The following CDC42BPB variants were observed in gnomAD, a reference collection of about 807,000 sequenced individuals.
CDC42BPB encodes the protein serine/threonine-protein kinase MRCK beta.
Under a neutral mutation model 214.9 loss-of-function variants are expected in CDC42BPB, and 37 were observed. That is an observed-to-expected ratio of 0.17 (90% CI 0.13 to 0.23). The LOEUF (loss-of-function observed/expected upper bound fraction) is 0.23, where lower values mean the gene tolerates loss of function less well. CDC42BPB is among the 10% of genes least tolerant of loss of function. The probability of loss-of-function intolerance (pLI) is 1.00; values close to 1 mark genes in which losing one functional copy is unlikely to be tolerated. For synonymous variants in CDC42BPB, 931 were observed against 884.0 expected (o/e 1.05, Z -0.94); for missense variants, 1,694 against 2,227.0 (o/e 0.76, Z 4.82).
rs777811682 is a variant in CDC42BPB, at chr14:102,963,111, T to G, written c.2771A>C (p.Glu924Ala). 63 of 1,593,416 alleles carry G rather than the reference T, an allele frequency of 4.0e-5. No homozygotes were observed. Among genetic ancestry groups the G allele is most frequent in the Non-Finnish European group, 1.7e-6 (2 of 1,162,822 alleles). The change falls in exon 20 of 37, where the codon GAA becomes GCA. Residue 924 changes from glutamate (E) to alanine (A), a missense_variant. Coordinates refer to ENST00000361246, the MANE Select transcript of CDC42BPB (RefSeq NM_006035.4). The part of the protein sequence containing the change: ...SEAKNRELLE[E>A]MEILKKKMEE... Reference sequence around the variant, plus strand: ...CATCTTTTTCTTCAAAATTTCCATTTCTTCTAATAATTCTCTGTTTTTGGC... The same window carrying G: ...CATCTTTTTCTTCAAAATTTCCATTGCTTCTAATAATTCTCTGTTTTTGGC...
chr14:102,937,461 G>A (rs1032832657), intron 36 of CDC42BPB, among the ~76,000 whole-genome samples: 2 of 152,258 alleles, frequency 1.3e-5, no homozygotes, highest in Non-Finnish European at 2.9e-5. Flanking sequence ...CTGGGGCTGA[G>A]ATGTGTGGTG....
intron 30 of CDC42BPB, among the ~76,000 whole-genome samples, chr14:102,942,298 A>T (rs1308662416): frequency 6.6e-6 from 1 of 152,124 alleles, no homozygotes; most frequent in Non-Finnish European, 1.5e-5. Context: ...CCGTGGGTGG[A>T]GCTGGCCGTG....
chr14:103,057,132 G>A lies in CDC42BPB; in HGVS notation c.42C>T (p.Leu14=), dbSNP rs1468686785. ...KVRLKKLEQL[L]LDGPWRNESA... is the part of the protein sequence containing the mutation. Reference sequence around the variant, plus strand: ...TCTCGTTGCGCCAGGGCCCGTCCAGGAGCAGCTGCTCCAGCTTCTTGAGCC... The same window carrying A: ...TCTCGTTGCGCCAGGGCCCGTCCAGAAGCAGCTGCTCCAGCTTCTTGAGCC... The change falls in exon 1 of 37, where the codon CTC becomes CTT. Residue 14 remains leucine (L), a synonymous_variant. Coordinates refer to ENST00000361246, the MANE Select transcript of CDC42BPB (RefSeq NM_006035.4). 13 of 1,510,470 alleles carry A rather than the reference G, an allele frequency of 8.6e-6. No homozygotes were observed. The highest frequency in any genetic ancestry group is 4.3e-5 in the Admixed American group (2 of 46,544). The allele number at this position is 1,510,470 out of a possible 1,614,324, so 93.6% of individuals were successfully genotyped here.
At chr14:103,029,547 G>GAA (rs762169713) in intron 1 of CDC42BPB, among the ~76,000 whole-genome samples, 4 of 122,564 alleles carry the variant, frequency 3.3e-5, no homozygotes, top group African/African-American at 1.2e-4. Context: ...TGTCTCAAAG[G>GAA]AAAAAAAAAA....
At chr14:103,041,515 T>C (rs989117312) in intron 1 of CDC42BPB, 22 of 1,396,558 alleles carry the variant, frequency 1.6e-5, no homozygotes, top group Non-Finnish European at 1.9e-5. Flanking sequence ...CCACAAGGAC[T>C]GGCAGCTGGC....
At chr14:103,046,563 A>C (rs1244023653) in intron 1 of CDC42BPB, among the ~76,000 whole-genome samples, 1 of 152,226 alleles carries the variant, frequency 6.6e-6, no homozygotes, top group Non-Finnish European at 1.5e-5. Context: ...AAACGTGTGC[A>C]GGAATCAATA....
Position 102,933,794 on chromosome 14 carries a change from G to T in CDC42BPB, c.5054C>A (p.Pro1685His). The T allele has an allele frequency of 6.6e-7, 1 of 1,506,908 alleles. No individual in the cohort carries two copies. The highest frequency in any genetic ancestry group is 2.7e-5 in the East Asian group (1 of 37,200). 93.3% of individuals were successfully genotyped at this position (1,506,908 alleles called of 1,614,324 possible). Reference protein sequence around the residue: ...KHSTPSNSSNPSGPPSPNSPH... With the variant: ...KHSTPSNSSNHSGPPSPNSPH... ...GGAGTTGGGGCTCGGTGGGCCGCTG[G>T]GGTTGGAGCTATTCGATGGAGTTGA... is the stretch of plus-strand genomic sequence containing the variant. The change falls in exon 37 of 37, where the codon CCC (proline) becomes CAC (histidine). Residue 1685 changes from proline (P) to histidine (H), a missense_variant. Physicochemically the swap from Pro to His is moderately conservative, Grantham distance 77. Around this residue, in one of 7 missense-constraint regions of CDC42BPB, gnomAD observed 146 missense variants for 134.1 expected, o/e 1.09. Coordinates refer to ENST00000361246, the MANE Select transcript of CDC42BPB (RefSeq NM_006035.4).
At chr14:102,990,760 C>T (rs1046003421) in intron 5 of CDC42BPB, among the ~76,000 whole-genome samples, 1 of 152,196 alleles carries the variant, frequency 6.6e-6, no homozygotes, top group African/African-American at 2.4e-5. Flanking sequence ...AAACTAAGGG[C>T]ATCCTCAAAA....
rs570994860 is a variant in CDC42BPB at position 103,025,061 on chromosome 14, A to C, written c.176-12873T>G. Among the ~76,000 whole-genome samples, 11 of 152,206 alleles carry C rather than the reference A, an allele frequency of 7.2e-5. 1 individual carries two copies. The South Asian group carries it at 2.3e-3, about 32-fold the overall frequency. On this transcript the variant is annotated intron_variant, in intron 1 of 36. Coordinates refer to ENST00000361246, the MANE Select transcript of CDC42BPB (RefSeq NM_006035.4). The stretch of plus-strand genomic sequence containing the variant: ...TTGTGTCACTGCTGTGAATTCAGAA[A>C]AGTCTGGTTTTCTTTCTGCACAGTA...
At chr14:103,053,571 C>A (rs534229932) in intron 1 of CDC42BPB, among the ~76,000 whole-genome samples, 2 of 151,490 alleles carry the variant, frequency 1.3e-5, no homozygotes, top group South Asian at 2.1e-4. Flanking sequence ...ACCATCCTGG[C>A]TAACACGGTG....
At chr14:103,018,810 A>G (rs11627664) in intron 1 of CDC42BPB, among the ~76,000 whole-genome samples, 9,801 of 152,290 alleles carry the variant, frequency 0.064, 416 homozygotes, top group South Asian at 0.17. Context: ...ATATTTTCAA[A>G]AAGTGATCAC....
chr14:103,004,942 T>C lies in CDC42BPB; in HGVS notation c.352-919A>G, dbSNP rs1895166631. Among the ~76,000 whole-genome samples the C allele has an allele frequency of 1.3e-5, 2 of 151,182 alleles. No homozygotes were observed. Among genetic ancestry groups the C allele is most frequent in the Non-Finnish European group, 2.9e-5 (2 of 67,812 alleles). Reference sequence around the variant, plus strand: ...CAGCAGTTTGGGAGGCCGAGGTGGGTGGATCACGAGGTCAGGAGATCAAGA... The same window carrying C: ...CAGCAGTTTGGGAGGCCGAGGTGGGCGGATCACGAGGTCAGGAGATCAAGA... On this transcript the variant is annotated intron_variant, in intron 3 of 36. Coordinates refer to ENST00000361246, the MANE Select transcript of CDC42BPB (RefSeq NM_006035.4). This position sits in a 1 kb window ranked among gnomAD's most constrained non-coding sequence, Gnocchi z 5.3.
intron 1 of CDC42BPB, among the ~76,000 whole-genome samples, chr14:103,042,620 G>A (rs774526117): frequency 6.6e-6 from 1 of 152,112 alleles, no homozygotes; most frequent in African/African-American, 2.4e-5. Context: ...AAGACAACCC[G>A]ATTTTTTAAA....
At chr14:103,029,858 CAAAAAAAAA>C (rs11299296) in intron 1 of CDC42BPB, among the ~76,000 whole-genome samples, 6 of 62,376 alleles carry the variant, frequency 9.6e-5, no homozygotes, top group South Asian at 7.7e-4. Context: ...ACTCCATCTC[CAAAAAAAAA>C]AAAAAAAAAA....
chr14:102,946,890 C>G (rs577323125), intron 27 of CDC42BPB: 2 of 985,144 alleles, frequency 2.0e-6, no homozygotes, highest in East Asian at 2.3e-4. Flanking sequence ...TAAACAGCCC[C>G]GTGAGATCGC....
rs770317684 is a variant in CDC42BPB, at chr14:102,946,541, G to A, written c.3675C>T (p.Val1225=). The change falls in exon 28 of 37, where the codon GTC becomes GTT. Residue 1225 remains valine (V), a synonymous_variant. Coordinates refer to ENST00000361246, the MANE Select transcript of CDC42BPB (RefSeq NM_006035.4). ...CGTAGGCTTCCAAGGGAACATGCAC[G>A]ACCTGATTCCTCAGCCGGTTTTTAT... ...ILHKNRLRNQ[V]VHVPLEAYDS... 35 of 1,612,662 alleles carry A rather than the reference G, an allele frequency of 2.2e-5. 1 individual carries two copies. The highest frequency in any genetic ancestry group is 1.6e-4 in the Middle Eastern group (1 of 6,084).
rs540109718 is a variant in CDC42BPB, at chr14:103,016,467, G to A, written c.176-4279C>T. Among the ~76,000 whole-genome samples, 7 of 107,006 alleles carry A rather than the reference G, an allele frequency of 6.5e-5. No homozygotes were observed. The East Asian group carries it at 1.4e-3, about 21-fold the overall frequency. 70.2% of individuals were successfully genotyped at this position (107,006 alleles called of 152,430 possible). On this transcript the variant is annotated intron_variant, in intron 1 of 36. Coordinates refer to ENST00000361246, the MANE Select transcript of CDC42BPB (RefSeq NM_006035.4). Reference sequence around the variant, plus strand: ...GTGGAGTGAGGAGGACATCAGTGCCGGTGAAGCAGGTGAGGGGAGGGAACC... The same window carrying A: ...GTGGAGTGAGGAGGACATCAGTGCCAGTGAAGCAGGTGAGGGGAGGGAACC...
At chr14:102,941,476 A>G in intron 30 of CDC42BPB, 1 of 985,480 alleles carries the variant, frequency 1.0e-6, no homozygotes. Flanking sequence ...ACTGTCTCAG[A>G]AGGAGCATTT....
chr14:102,955,437 G>GA (rs1208764393), intron 21 of CDC42BPB, among the ~76,000 whole-genome samples: 1 of 152,140 alleles, frequency 6.6e-6, no homozygotes, highest in African/African-American at 2.4e-5. Flanking sequence ...AGAGAAAGAA[G>GA]AAAAGATCAA....
Sources: gnomAD v4.1 joint callset for allele counts (sites outside exome capture counted in the v4.1 genomes callset) on GRCh38, gnomAD v4.1.1 for gene constraint, gnomAD v4.1.1 regional missense constraint, Gnocchi (gnomAD v3.1) non-coding constraint, MANE v1.5 for transcripts, NCBI Gene and HGNC (gene_info 2026-07-23, HGNC 2026-07-21) for gene names.